The following HERPUD2 variants were observed in gnomAD, a reference collection of about 807,000 sequenced individuals.
HERPUD2 encodes homocysteine-responsive endoplasmic reticulum-resident ubiquitin-like domain member 2 protein.
In HERPUD2, 13 loss-of-function variants were observed where a neutral mutation model predicts 49.9. That is an observed-to-expected ratio of 0.26 (90% CI 0.17 to 0.41). HERPUD2 has a LOEUF of 0.41. Among genes scored for constraint, HERPUD2 ranks in the 10% least tolerant of loss-of-function variants. The probability of loss-of-function intolerance (pLI) is 1.00; values close to 1 mark genes in which losing one functional copy is unlikely to be tolerated. For synonymous variants in HERPUD2, 172 were observed against 171.4 expected (o/e 1.00, Z -0.03); for missense variants, 449 against 492.2 (o/e 0.91, Z 0.83).
intron 5 of HERPUD2, among the ~76,000 whole-genome samples, chr7:35,651,208 C>T (rs138076636): frequency 2.5e-3 from 378 of 152,266 alleles, no homozygotes; most frequent in African/African-American, 8.5e-3. Flanking sequence ...GGCCCGATGA[C>T]ATGCCAAACT....
chr7:35,677,000 T>A (rs1456881583), intron 2 of HERPUD2, among the ~76,000 whole-genome samples: 1 of 152,196 alleles, frequency 6.6e-6, no homozygotes, highest in Non-Finnish European at 1.5e-5. Flanking sequence ...CATCCTGACA[T>A]TTTTAAATTC....
chr7:35,639,205 T>C (rs545133945), intron 5 of HERPUD2, among the ~76,000 whole-genome samples: 12 of 152,122 alleles, frequency 7.9e-5, no homozygotes, highest in Non-Finnish European at 1.5e-4. Context: ...ATTTTTTTTT[T>C]GTATTTTTAG....
chr7:35,680,243 C>T (rs565132381), intron 2 of HERPUD2, among the ~76,000 whole-genome samples: 10 of 151,800 alleles, frequency 6.6e-5, no homozygotes, highest in Admixed American at 2.0e-4. Flanking sequence ...TCCATCTCCT[C>T]AAAATTTTTT....
chr7:35,677,890 A>G (rs535323032), intron 2 of HERPUD2, among the ~76,000 whole-genome samples: 1 of 152,358 alleles, frequency 6.6e-6, no homozygotes, highest in African/African-American at 2.4e-5. Context: ...TAAGAAACTT[A>G]TACAAGATCC....
rs115887471 is a variant in HERPUD2 at position 35,637,943 on chromosome 7, C to A, written c.617+407G>T. Among the ~76,000 whole-genome samples, 591 of 152,262 alleles carry A rather than the reference C, an allele frequency of 3.9e-3. 5 individuals are homozygous for A. Among genetic ancestry groups the A allele is most frequent in the African/African-American group, 0.013 (558 of 41,532 alleles). On this transcript the variant is annotated intron_variant, in intron 6 of 8. Transcript: ENST00000311350. ...CAATGCTAGGACTGTTCCATGCTGA[C>A]CAGAATCAAAACGGACTAAATACTG...
At chr7:35,644,801 C>T (rs755775835) in intron 5 of HERPUD2, among the ~76,000 whole-genome samples, 3 of 151,992 alleles carry the variant, frequency 2.0e-5, no homozygotes, top group Non-Finnish European at 4.4e-5. Flanking sequence ...ACCAAATGCA[C>T]TATGTCAGTC....
chr7:35,685,006 C>CT (rs1332628292), intron 2 of HERPUD2, among the ~76,000 whole-genome samples: 4 of 152,170 alleles, frequency 2.6e-5, no homozygotes, highest in African/African-American at 9.6e-5. Context: ...TTTGGGAGGC[C>CT]AAAACAGATG....
chr7:35,660,053 G>T (rs1785377707), intron 5 of HERPUD2, among the ~76,000 whole-genome samples: 1 of 152,026 alleles, frequency 6.6e-6, no homozygotes, highest in African/African-American at 2.4e-5. Context: ...ACAGGCCCCA[G>T]TGTGTGATGT....
intron 3 of HERPUD2, among the ~76,000 whole-genome samples, chr7:35,672,841 G>A (rs1235159301): frequency 3.3e-5 from 5 of 151,966 alleles, no homozygotes; most frequent in African/African-American, 4.8e-5. Flanking sequence ...AAAATATCAT[G>A]CAGCTGGCAA....
At chr7:35,670,988 A>T (rs1488346349) in intron 3 of HERPUD2, among the ~76,000 whole-genome samples, 1 of 152,096 alleles carries the variant, frequency 6.6e-6, no homozygotes, top group Non-Finnish European at 1.5e-5. Flanking sequence ...AAAGCCAGCA[A>T]ATAAGATGGG....
chr7:35,680,611 G>A (rs1002150408), intron 2 of HERPUD2, among the ~76,000 whole-genome samples: 2 of 152,046 alleles, frequency 1.3e-5, no homozygotes, highest in Admixed American at 1.3e-4. Flanking sequence ...TAGCTCCCAA[G>A]CTCTCTCAAT....
intron 2 of HERPUD2, among the ~76,000 whole-genome samples, chr7:35,675,635 A>C (rs990080524): frequency 6.6e-6 from 1 of 152,188 alleles, no homozygotes; most frequent in African/African-American, 2.4e-5. Flanking sequence ...GAGGGAATAA[A>C]ATGAACCCCC....
chr7:35,677,238 C>T (rs181819063), intron 2 of HERPUD2, among the ~76,000 whole-genome samples: 6 of 152,296 alleles, frequency 3.9e-5, no homozygotes, highest in South Asian at 2.1e-4. Context: ...AGTATACTTA[C>T]TCTATTGCAT....
At chr7:35,643,627 C>T (rs1245479870) in intron 5 of HERPUD2, among the ~76,000 whole-genome samples, 1 of 151,426 alleles carries the variant, frequency 6.6e-6, no homozygotes, top group African/African-American at 2.4e-5. Flanking sequence ...CACACACACA[C>T]ACTTTCATGA....
chr7:35,686,668 G>A (rs1786054388), intron 2 of HERPUD2, among the ~76,000 whole-genome samples: 1 of 95,276 alleles, frequency 1.0e-5, no homozygotes, highest in African/African-American at 4.0e-5. Context: ...GCAGTGAGCC[G>A]AGATCCCGCC....
intron 2 of HERPUD2, among the ~76,000 whole-genome samples, chr7:35,693,700 C>T (rs1786244528): frequency 6.6e-6 from 1 of 152,092 alleles, no homozygotes; most frequent in African/African-American, 2.4e-5. Flanking sequence ...GGCAGTGGTG[C>T]GATCTTGGCT....
rs1784905783 is a variant in HERPUD2 at position 35,638,374 on chromosome 7, T to C, written c.593A>G (p.Tyr198Cys). ...PLQMLWWQQM[Y>C]AHQYYMQYQA... is the part of the protein sequence containing the mutation. Reference sequence around the variant, plus strand: ...CTACTGCATATAATACTGATGAGCATACATCTGTTGCCACCATAGCATCTG... The same window carrying C: ...CTACTGCATATAATACTGATGAGCACACATCTGTTGCCACCATAGCATCTG... Residue 198 changes from tyrosine (Y) to cysteine (C), a missense_variant, in exon 6 of 9, where the codon TAT becomes TGT. Coordinates refer to ENST00000311350, the MANE Select transcript of HERPUD2 (RefSeq NM_022373.5). 1 of 1,613,366 alleles carries C rather than the reference T, an allele frequency of 6.2e-7. No individual in the cohort carries two copies. The highest frequency in any genetic ancestry group is 1.1e-5 in the South Asian group (1 of 91,016).
chr7:35,688,666 AG>A (rs1350362966), intron 2 of HERPUD2, among the ~76,000 whole-genome samples: 8 of 152,264 alleles, frequency 5.3e-5, no homozygotes, highest in Non-Finnish European at 5.9e-5. Flanking sequence ...ATTTATCTAC[AG>A]CCTTTAGACA....
rs556865343 is a variant in HERPUD2, at chr7:35,675,135, T to C, written c.148-1857A>G. Among the ~76,000 whole-genome samples the C allele has an allele frequency of 1.2e-4, 19 of 152,252 alleles. No individual in the cohort carries two copies. In the South Asian group the frequency reaches 3.9e-3, roughly 32 times the overall value. ...TCAACCTGTGGAATCTATCCCCAGG[T>C]AGATAGTGTCAGAAGTACACTGAAT... On this transcript the variant is annotated intron_variant, in intron 2 of 8. Coordinates refer to ENST00000311350, the MANE Select transcript of HERPUD2 (RefSeq NM_022373.5).
Sources: gnomAD v4.1 joint callset for allele counts (sites outside exome capture counted in the v4.1 genomes callset) on GRCh38, gnomAD v4.1.1 for gene constraint, MANE v1.5 for transcripts, NCBI Gene and HGNC (gene_info 2026-07-23, HGNC 2026-07-21) for gene names.